The following RNASEH2A variants were observed in gnomAD, a reference collection of about 807,000 sequenced individuals.
RNASEH2A encodes the protein ribonuclease H2 subunit A.
A neutral mutation model predicts 32.7 loss-of-function variants in RNASEH2A; 30 were observed. The ratio of observed to expected loss-of-function variants is 0.92; its 90% CI spans 0.69 to 1.25. RNASEH2A has a LOEUF of 1.25. Ranked by LOEUF, RNASEH2A falls within the 50% of genes most tolerant of loss-of-function variation. The pLI, the probability that RNASEH2A is intolerant of heterozygous loss-of-function variation, is 0.00. For missense variants in RNASEH2A, 409 were observed against 398.1 expected, an observed-to-expected ratio of 1.03 and a Z score of -0.23; for synonymous variants, 147 against 165.4, an observed-to-expected ratio of 0.89 and a Z score of 0.86.
intron 4 of RNASEH2A, 125 bp from the exon 5 acceptor site, chr19:12,809,946 T>C: frequency 8.0e-7 from 1 of 1,248,492 alleles, no homozygotes; most frequent in South Asian, 1.2e-5. Context: ...AATCCCTGAT[T>C]GATCCATCCT....
chr19:12,807,637 A>G (rs1450179811), intron 4 of RNASEH2A, 131 bp downstream of exon 4: 2 of 847,910 alleles, frequency 2.4e-6, no homozygotes, highest in East Asian at 2.6e-5. Context: ...AAGCCCCCCA[A>G]CTCAAAAATG....
chr19:12,813,221 T>C lies in RNASEH2A; in HGVS notation c.761+15T>C, dbSNP rs773058733. 1.2e-6 allele frequency: 2 copies of C among 1,613,956 alleles called. No homozygotes were observed. Among genetic ancestry groups the C allele is most frequent in the South Asian group, 2.2e-5 (2 of 91,066 alleles). ...GATGTTATATGGTGGGTGTCATGGA[T>C]GTCCTGGGGGTGCTATAGGGAAGGA... On this transcript the variant is annotated intron_variant, in intron 7 of 7. Transcript: ENST00000221486.
intron 6 of RNASEH2A, among the ~76,000 whole-genome samples, chr19:12,811,577 C>T (rs950487120): frequency 6.6e-6 from 1 of 150,650 alleles, no homozygotes; most frequent in Non-Finnish European, 1.5e-5. Flanking sequence ...ATGATTATGC[C>T]ACTGCACTCC....
intron 4 of RNASEH2A, 180 bp downstream of exon 4, chr19:12,807,686 C>G: frequency 1.5e-6 from 1 of 657,688 alleles, no homozygotes; most frequent in Admixed American, 2.2e-5. Flanking sequence ...AATCGCAGCA[C>G]TTTGGGAAGC....
intron 7 of RNASEH2A, 29 bp downstream of exon 7, chr19:12,813,235 T>C (rs1416591987): frequency 1.2e-6 from 2 of 1,613,692 alleles, no homozygotes; most frequent in East Asian, 2.2e-5. Context: ...CTGGGGGTGC[T>C]ATAGGGAAGG....
chr19:12,806,788 G>C lies in RNASEH2A; in HGVS notation c.115G>C (p.Gly39Arg), dbSNP rs1968997038. 1.9e-6 allele frequency: 3 copies of C among 1,577,660 alleles called. No homozygotes were observed. The East Asian group carries it at 6.9e-5, about 36-fold the overall frequency. The part of the protein sequence containing the change: ...CVLGVDEAGR[G>R]PVLGPMVYAI... ...CCTGGGCGTCGATGAGGCGGGCAGGGGCCCCGTGCTGGGTGCGCCCCTAGG... is the reference window on the plus strand; with the variant it reads ...CCTGGGCGTCGATGAGGCGGGCAGGCGCCCCGTGCTGGGTGCGCCCCTAGG... The change falls in exon 1 of 8, where the codon GGC becomes CGC. Residue 39 changes from glycine to arginine, a missense_variant. By Grantham distance (125) the Gly-to-Arg change is moderately radical. Transcript: ENST00000221486.
intron 6 of RNASEH2A, among the ~76,000 whole-genome samples, chr19:12,811,617 C>A (rs1441596724): frequency 1.4e-5 from 2 of 143,272 alleles, no homozygotes; most frequent in African/African-American, 5.1e-5. Flanking sequence ...GATCTTGTGT[C>A]AAAAAAAAAA....
At chr19:12,808,219 T>A (rs1390747690) in intron 4 of RNASEH2A, among the ~76,000 whole-genome samples, 4 of 151,968 alleles carry the variant, frequency 2.6e-5, no homozygotes, top group African/African-American at 9.7e-5. Flanking sequence ...GCCATTGCAC[T>A]CCAGCCTGGG....
In RNASEH2A at chr19:12,806,774, A is replaced by T. The variant is rs762516714; in HGVS notation, c.101A>T (p.Asp34Val). Reference sequence around the variant, plus strand: ...AAGGAGCCTTGCGTCCTGGGCGTCGATGAGGCGGGCAGGGGCCCCGTGCTG... The same window carrying T: ...AAGGAGCCTTGCGTCCTGGGCGTCGTTGAGGCGGGCAGGGGCCCCGTGCTG... ...CRKEPCVLGV[D>V]EAGRGPVLGP... is the part of the protein sequence containing the mutation. The change falls in exon 1 of 8, where the codon GAT becomes GTT. Residue 34 changes from aspartate (D) to valine (V), a missense_variant. Physicochemically the swap from Asp to Val is radical, Grantham distance 152. Transcript: ENST00000221486. 6.3e-7 allele frequency: 1 copy of T among 1,577,242 alleles called. No individual in the cohort carries two copies. Among genetic ancestry groups the T allele is most frequent in the Non-Finnish European group, 8.6e-7 (1 of 1,161,490 alleles).
intron 6 of RNASEH2A, among the ~76,000 whole-genome samples, chr19:12,811,202 T>C (rs1388146120): frequency 6.6e-6 from 1 of 152,182 alleles, no homozygotes; most frequent in Non-Finnish European, 1.5e-5. Flanking sequence ...CAGTGAGTGA[T>C]AGAGCTGAAT....
intron 7 of RNASEH2A, 59 bp downstream of exon 7, chr19:12,813,265 C>T: frequency 6.2e-7 from 1 of 1,614,014 alleles, no homozygotes; most frequent in South Asian, 1.1e-5. Context: ...GGCCAGCGTT[C>T]AGCCCTGCCT....
chr19:12,808,578 G>C (rs1009611335), intron 4 of RNASEH2A, among the ~76,000 whole-genome samples: 5 of 152,006 alleles, frequency 3.3e-5, no homozygotes, highest in Non-Finnish European at 5.9e-5. Context: ...CCTCCAATCT[G>C]TTCCCCAAGC....
rs761198813 is a variant in RNASEH2A, at chr19:12,810,110, G to C, written c.451G>C (p.Ala151Pro). 6.2e-7 allele frequency: 1 copy of C among 1,614,208 alleles called. No individual in the cohort carries two copies. Among genetic ancestry groups the C allele is most frequent in the Admixed American group, 1.7e-5 (1 of 60,022 alleles). Residue 151 changes from alanine to proline, a missense_variant, in exon 5 of 8, where the codon GCG (alanine) becomes CCG (proline). Physicochemically the swap from Ala to Pro is conservative, Grantham distance 27. Coordinates refer to ENST00000221486, the MANE Select transcript of RNASEH2A (RefSeq NM_006397.3). ...DTVGMPETYQARLQQSFPGIE... is the reference protein window; with the variant it reads ...DTVGMPETYQPRLQQSFPGIE... ...CGTAGGGATGCCAGAGACATACCAGGCGCGGCTGCAGCAAAGTTTTCCCGG... is the reference window on the plus strand; with the variant it reads ...CGTAGGGATGCCAGAGACATACCAGCCGCGGCTGCAGCAAAGTTTTCCCGG...
rs1178868261 is a variant in RNASEH2A, at chr19:12,806,680, C to G, written c.7C>G (p.Leu3Val). 6.4e-7 allele frequency: 1 copy of G among 1,574,710 alleles called. No homozygotes were observed. The highest frequency in any genetic ancestry group is 2.3e-5 in the East Asian group (1 of 42,764). MDLSELERDNTGR... is the reference protein window; with the variant it reads MDVSELERDNTGR... ...TGGTGGCGGCTGAGGCGGCATGGAT[C>G]TCAGCGAGCTGGAGAGAGACAATAC... The change falls in exon 1 of 8, where the codon CTC (leucine) becomes GTC (valine). Residue 3 changes from leucine (L) to valine (V), a missense_variant. By Grantham distance (32) the Leu-to-Val change is conservative. Transcript: ENST00000221486.
At position 12,813,506 on chromosome 19, in the gene RNASEH2A, A is replaced by G. The variant is rs769446763; in HGVS notation, c.*40A>G. ...CGCTCTACCTGCTTCCCCAACCCAG[A>G]CATTAAAATTGTTTAAGGAGAACCA... On this transcript the variant is annotated 3_prime_UTR_variant, in exon 8 of 8. Transcript: ENST00000221486. 1 of 1,608,822 alleles carries G rather than the reference A, an allele frequency of 6.2e-7. No homozygotes were observed. Among genetic ancestry groups the G allele is most frequent in the Non-Finnish European group, 8.5e-7 (1 of 1,179,912 alleles).
chr19:12,809,048 G>A (rs367875553), intron 4 of RNASEH2A, among the ~76,000 whole-genome samples: 9 of 151,908 alleles, frequency 5.9e-5, no homozygotes, highest in African/African-American at 2.2e-4. Flanking sequence ...GGCCCTACCC[G>A]TAGGCGTTCA....
In RNASEH2A at chr19:12,806,790, C is replaced by G. The variant is rs764738825; in HGVS notation, c.117C>G (p.Gly39=). Residue 39 remains glycine (G), a synonymous_variant, in exon 1 of 8, where the codon GGC becomes GGG. Coordinates refer to ENST00000221486, the MANE Select transcript of RNASEH2A (RefSeq NM_006397.3). ...TGGGCGTCGATGAGGCGGGCAGGGG[C>G]CCCGTGCTGGGTGCGCCCCTAGGGC... ...CVLGVDEAGR[G]PVLGPMVYAI... is the part of the protein sequence containing the mutation. The G allele has an allele frequency of 6.3e-7, 1 of 1,576,998 alleles. No homozygotes were observed. The highest frequency in any genetic ancestry group is 1.2e-5 in the South Asian group (1 of 86,496).
chr19:12,809,245 TG>T (rs755673522), intron 4 of RNASEH2A, among the ~76,000 whole-genome samples: 15 of 152,284 alleles, frequency 9.9e-5, no homozygotes, highest in Non-Finnish European at 1.5e-4. Context: ...ACATGAAAGA[TG>T]GTCAGCTGGT....
intron 4 of RNASEH2A, among the ~76,000 whole-genome samples, chr19:12,809,755 G>A (rs536766638): frequency 1.6e-3 from 246 of 149,944 alleles, no homozygotes; most frequent in Non-Finnish European, 2.6e-3. Flanking sequence ...TTCAGGAGGT[G>A]AGTTTTTTCT....
Sources: allele counts gnomAD v4.1 joint callset (sites outside exome capture counted in the v4.1 genomes callset), GRCh38; gene constraint gnomAD v4.1.1; transcripts MANE v1.5; gene names NCBI Gene and HGNC (gene_info 2026-07-23, HGNC 2026-07-21).